ATXN7: variants seen among roughly 807,000 people sequenced by gnomAD.
The protein encoded by ATXN7 is ataxin-7.
ATXN7 carries 12 observed loss-of-function variants against 70.5 expected under a neutral mutation model. The observed-to-expected ratio is 0.17, with a 90% CI of 0.11 to 0.28. The LOEUF is 0.28. Among genes scored for constraint, ATXN7 ranks in the 10% least tolerant of loss-of-function variants. ATXN7 has a pLI of 1.00. For synonymous variants in ATXN7, 498 were observed against 448.7 expected (o/e 1.11, Z -1.39); for missense variants, 1,256 against 1,131.7 (o/e 1.11, Z -1.58).
At chr3:63,977,257 G>T (rs2075403476) in intron 5 of ATXN7, among the ~76,000 whole-genome samples, 1 of 152,280 alleles carries the variant, frequency 6.6e-6, no homozygotes, top group South Asian at 2.1e-4. Flanking sequence ...GTATATCGGT[G>T]GCTTTGGAAT....
chr3:63,885,369 A>G (rs952051887), intron 1 of ATXN7, among the ~76,000 whole-genome samples: 26 of 152,334 alleles, frequency 1.7e-4, no homozygotes, highest in East Asian at 1.9e-4. Context: ...CATCAGGGAC[A>G]TGCAAGTTAA....
intron 2 of ATXN7, chr3:63,905,224 T>A (rs1703794881): frequency 6.6e-6 from 1 of 152,148 alleles, no homozygotes; most frequent in Non-Finnish European, 1.5e-5. Context: ...AATTTAATTT[T>A]TTTTTGAGAC....
chr3:63,873,711 G>T (rs1385002832), intron 1 of ATXN7: 1 of 152,128 alleles, frequency 6.6e-6, no homozygotes, highest in East Asian at 1.9e-4. Flanking sequence ...GTTTTGTTTT[G>T]TTTTGTGTTT....
chr3:63,986,097 A>ATGGGAGAGG (rs2075574310), intron 8 of ATXN7, among the ~76,000 whole-genome samples: 2 of 152,112 alleles, frequency 1.3e-5, no homozygotes, highest in Admixed American at 6.6e-5. Flanking sequence ...CTTGAGAGGG[A>ATGGGAGAGG]TGGGAGAGGT....
chr3:63,993,123 C>T (rs1050611954), intron 11 of ATXN7, among the ~76,000 whole-genome samples: 3 of 152,048 alleles, frequency 2.0e-5, no homozygotes, highest in African/African-American at 7.2e-5. Flanking sequence ...GAAATTAGAC[C>T]AGCACTTTCT....
In ATXN7 at chr3:63,912,682, C is replaced by T. The variant is rs1170208406; in HGVS notation, c.84C>T (p.Ala28=). 3.0e-6 allele frequency: 3 copies of T among 984,992 alleles called. No individual in the cohort carries two copies. The highest frequency in any genetic ancestry group is 2.5e-6 in the Non-Finnish European group (2 of 811,572). 61.0% of individuals were successfully genotyped at this position (984,992 alleles called of 1,614,324 possible). A position where few individuals can be genotyped will look rare whatever the true frequency, so the allele number is the denominator to read the frequency against. The part of the protein sequence containing the change: ...AAAGGAAAAA[A]RQQQQQQQQQ... Reference sequence around the variant, plus strand: ...CGGGCGGAGCAGCGGCCGCGGCCGCCCGGCAGCAGCAGCAGCAGCAGCAGC... The same window carrying T: ...CGGGCGGAGCAGCGGCCGCGGCCGCTCGGCAGCAGCAGCAGCAGCAGCAGC... Residue 28 remains alanine (A), a synonymous_variant, in exon 3 of 13, where the codon GCC becomes GCT. Transcript: ENST00000674280.
chr3:63,947,851 G>A (rs1310191438), intron 4 of ATXN7, among the ~76,000 whole-genome samples: 2 of 152,102 alleles, frequency 1.3e-5, no homozygotes, highest in Non-Finnish European at 2.9e-5. Flanking sequence ...AAGGTTTCTG[G>A]GTTTGAGGAG....
At position 63,996,200 on chromosome 3, in the gene ATXN7, T is replaced by C; in HGVS notation, c.2378T>C (p.Val793Ala). Reference protein sequence around the residue: ...SPAESIKRMSVMVNSSDSTLS... With the variant: ...SPAESIKRMSAMVNSSDSTLS... The stretch of plus-strand genomic sequence containing the variant: ...GCTGAATCCATCAAGAGGATGAGTG[T>C]GATGGTGAACAGCAGTGATTCTACT... Residue 793 changes from valine (V) to alanine (A), a missense_variant, in exon 12 of 13, where the codon GTG becomes GCG. Val to Ala is a moderately conservative substitution (Grantham distance 64, BLOSUM62 0). Transcript: ENST00000674280. 1 of 1,614,148 alleles carries C rather than the reference T, an allele frequency of 6.2e-7. No individual in the cohort carries two copies. The highest frequency in any genetic ancestry group is 8.5e-7 in the Non-Finnish European group (1 of 1,180,024).
At chr3:63,934,119 TA>T (rs547914645) in intron 4 of ATXN7, among the ~76,000 whole-genome samples, 312 of 152,296 alleles carry the variant, frequency 2.0e-3, no homozygotes, top group Middle Eastern at 0.017. Context: ...ACTGTATTCG[TA>T]TTGAGAAGCC....
At chr3:63,875,446 T>G (rs114460153) in intron 1 of ATXN7, among the ~76,000 whole-genome samples, 1,834 of 152,244 alleles carry the variant, frequency 0.012, 41 homozygotes, top group African/African-American at 0.039. Flanking sequence ...CATGACAGTG[T>G]GTAATGGTGG....
intron 2 of ATXN7, chr3:63,901,864 A>G (rs1703654281): frequency 6.6e-6 from 1 of 152,224 alleles, no homozygotes; most frequent in Non-Finnish European, 1.5e-5. Flanking sequence ...AACCTTGAAA[A>G]TGTTTTATTA....
At position 63,999,759 on chromosome 3, in the gene ATXN7, T is replaced by C. The variant is rs1351308505; in HGVS notation, c.*292T>C. 2 of 568,652 alleles carry C rather than the reference T, an allele frequency of 3.5e-6. No homozygotes were observed. Among genetic ancestry groups the C allele is most frequent in the Non-Finnish European group, 6.3e-6 (2 of 319,556 alleles). The allele number at this position is 568,652 out of a possible 1,614,324, so 35.2% of individuals were successfully genotyped here. ...ACCAATCTGTGAGAAGTTTTTGTTT[T>C]TGTTTTGTTTTTTAACTTGCAGTAT... On this transcript the variant is annotated 3_prime_UTR_variant, in exon 13 of 13. Transcript: ENST00000674280.
intron 4 of ATXN7, among the ~76,000 whole-genome samples, chr3:63,932,885 G>A (rs1478278238): frequency 2.0e-5 from 3 of 152,208 alleles, no homozygotes; most frequent in Admixed American, 6.5e-5. Context: ...ATCACAGATA[G>A]ATCTGTCTAA....
rs1485260897 is a variant in ATXN7 at position 63,913,197 on chromosome 3, C to T, written c.366C>T (p.Asn122=). The change falls in exon 4 of 13, where the codon AAC becomes AAT. Residue 122 remains asparagine (N), a synonymous_variant. Coordinates refer to ENST00000674280, the MANE Select transcript of ATXN7 (RefSeq NM_001377405.1). ...LDESFKEFGK[N]REVMGLCRED... The stretch of plus-strand genomic sequence containing the variant: ...AAAGTTTCAAGGAGTTTGGGAAAAA[C>T]CGCGAAGTCATGGGGCTCTGTCGGG... The T allele has an allele frequency of 1.1e-5, 18 of 1,613,956 alleles. No individual in the cohort carries two copies. The highest frequency in any genetic ancestry group is 1.5e-5 in the Non-Finnish European group (18 of 1,179,982).
Position 64,000,697 on chromosome 3 carries a change from G to A in ATXN7, c.*1230G>A, listed in dbSNP as rs576920309. On this transcript the variant is annotated 3_prime_UTR_variant, in exon 13 of 13. Transcript: ENST00000674280. ...AAGTCCTGACCTGAAGGTCTTTTGT[G>A]ATGCATGTATAGGATTGCCCTGACA... is the stretch of plus-strand genomic sequence containing the variant. 6.6e-6 allele frequency: 1 copy of A among 152,250 alleles called. No individual in the cohort carries two copies. Among genetic ancestry groups the A allele is most frequent in the African/African-American group, 2.4e-5 (1 of 41,546 alleles). The allele number at this position is 152,250 out of a possible 1,614,324, so 9.4% of individuals were successfully genotyped here.
Position 63,990,701 on chromosome 3 carries a change from G to T in ATXN7, c.1561-37G>T, listed in dbSNP as rs375947501. 36 of 1,613,790 alleles carry T rather than the reference G, an allele frequency of 2.2e-5. No homozygotes were observed. In the South Asian group the frequency reaches 3.2e-4, roughly 14 times the overall value. ...AACCCTGACTGGGCATGCCAGTGTG[G>T]GAGTCAGCAAGCACGCGGCTATGTT... On this transcript the variant is annotated intron_variant, in intron 10 of 12. Transcript: ENST00000674280.
At chr3:63,965,277 C>G (rs2075200934) in intron 5 of ATXN7, among the ~76,000 whole-genome samples, 1 of 152,130 alleles carries the variant, frequency 6.6e-6, no homozygotes. Context: ...TACTCCTCAC[C>G]CCAGGCTTGT....
intron 4 of ATXN7, among the ~76,000 whole-genome samples, chr3:63,921,924 G>A (rs1704526162): frequency 6.6e-6 from 1 of 152,230 alleles, no homozygotes; most frequent in Non-Finnish European, 1.5e-5. Flanking sequence ...AGGAGCAGCA[G>A]AAAGTGAAAT....
intron 1 of ATXN7, among the ~76,000 whole-genome samples, chr3:63,888,668 C>T (rs1248810579): frequency 3.9e-5 from 6 of 151,986 alleles, no homozygotes; most frequent in Non-Finnish European, 8.8e-5. Flanking sequence ...CCCAGTTACT[C>T]GGGAGGCTGA....
Sources: allele counts gnomAD v4.1 joint callset (sites outside exome capture counted in the v4.1 genomes callset), GRCh38; gene constraint gnomAD v4.1.1; transcripts MANE v1.5; gene names NCBI Gene and HGNC (gene_info 2026-07-23, HGNC 2026-07-21).